Variants in CUX1 observed in about 807,000 individuals in gnomAD.
The protein encoded by CUX1 is protein CASP.
Under a neutral mutation model 158.8 loss-of-function variants are expected in CUX1, and 31 were observed. The observed-to-expected ratio is 0.20, with a 90% CI of 0.15 to 0.26. The LOEUF is 0.26. Ranked by LOEUF, CUX1 falls within the 10% of genes least tolerant of loss-of-function variation. The pLI, the probability that CUX1 is intolerant of heterozygous loss-of-function variation, is 1.00. For missense variants in CUX1, 1,589 were observed against 2,014.6 expected (o/e 0.79, Z 4.04); for synonymous variants, 879 against 862.1 (o/e 1.02, Z -0.34).
At chr7:102,281,699 C>T in intron 20 of CUX1, 1 of 653,762 alleles carries the variant, frequency 1.5e-6, no homozygotes, top group Non-Finnish European at 2.8e-6. Flanking sequence ...TGTCCCTGGC[C>T]CATAATGATG....
chr7:101,958,305 C>A (rs751801702), intron 2 of CUX1, among the ~76,000 whole-genome samples: 1 of 152,012 alleles, frequency 6.6e-6, no homozygotes, highest in South Asian at 2.1e-4. Flanking sequence ...TCAGGAGAGA[C>A]GTAGTGGGGC....
At chr7:102,113,290 G>A (rs1164515432) in intron 7 of CUX1, among the ~76,000 whole-genome samples, 4 of 152,010 alleles carry the variant, frequency 2.6e-5, no homozygotes, top group African/African-American at 9.7e-5. Context: ...CCAGGCTGGA[G>A]TGAAGTGGCA....
At chr7:101,901,710 G>T (rs529097260) in intron 1 of CUX1, among the ~76,000 whole-genome samples, 1 of 152,346 alleles carries the variant, frequency 6.6e-6, no homozygotes, top group South Asian at 2.1e-4. Flanking sequence ...ACACTAGGTG[G>T]TTTGTTTTGT....
At chr7:102,067,497 A>G (rs1348865582) in intron 3 of CUX1, among the ~76,000 whole-genome samples, 1 of 151,130 alleles carries the variant, frequency 6.6e-6, no homozygotes, top group East Asian at 1.9e-4. Flanking sequence ...CGGCCTCCCA[A>G]AGTGCTGGGA....
chr7:102,021,337 C>CT lies in CUX1; in HGVS notation c.142-6759dup, dbSNP rs1396632816. On this transcript the variant is annotated intron_variant, in intron 2 of 23. Transcript: ENST00000292535. ...TTTTTCCCCCATTTGGAGACAGGGT[C>CT]TTGCTCTGTCACCCAGGCTGGATTA... is the stretch of plus-strand genomic sequence containing the variant. Among the ~76,000 whole-genome samples, 7 of 152,200 alleles carry CT rather than the reference C, an allele frequency of 4.6e-5. No individual in the cohort carries two copies. The East Asian group carries it at 1.4e-3, about 29-fold the overall frequency.
At chr7:101,821,468 A>G (rs1169824276) in intron 1 of CUX1, among the ~76,000 whole-genome samples, 5 of 150,950 alleles carry the variant, frequency 3.3e-5, no homozygotes, top group Admixed American at 6.6e-5. Context: ...CCTCCCGAGT[A>G]GCTGGGACTA....
At chr7:102,135,459 G>C (rs1166581862) in intron 8 of CUX1, among the ~76,000 whole-genome samples, 1 of 151,928 alleles carries the variant, frequency 6.6e-6, no homozygotes, top group Admixed American at 6.6e-5. Flanking sequence ...CGTGGAGGAG[G>C]TGGGAGGGGG....
At position 102,197,301 on chromosome 7, in the gene CUX1, A is replaced by G. The variant is rs1554518662; in HGVS notation, c.1890A>G (p.Gln630=). 5 of 1,610,820 alleles carry G rather than the reference A, an allele frequency of 3.1e-6. No homozygotes were observed. The highest frequency in any genetic ancestry group is 3.3e-4 in the Middle Eastern group (2 of 6,054). The part of the protein sequence containing the change: ...ILALRSIQGR[Q]RENPGQSLNR... The stretch of plus-strand genomic sequence containing the variant: ...CCCTCCGTAGCATCCAAGGCAGACA[A>G]AGAGGTGAGAGACTGGCGTTGGGTG... The change falls in exon 15 of 24, where the codon CAA becomes CAG. Residue 630 remains glutamine (Q), a synonymous_variant. Coordinates refer to ENST00000292535, the MANE Select transcript of CUX1 (RefSeq NM_181552.4).
chr7:102,031,386 T>C (rs917397810), intron 3 of CUX1, among the ~76,000 whole-genome samples: 1 of 152,022 alleles, frequency 6.6e-6, no homozygotes, highest in African/African-American at 2.4e-5. Flanking sequence ...TGTTTGTTTG[T>C]TTGCTTTTTT....
chr7:101,996,780 G>A (rs925933562), intron 2 of CUX1, among the ~76,000 whole-genome samples: 3 of 150,898 alleles, frequency 2.0e-5, no homozygotes, highest in Admixed American at 6.6e-5. Context: ...GTCAAATACA[G>A]CCCCAGGCTA....
At chr7:101,948,047 G>A (rs779562329) in intron 2 of CUX1, among the ~76,000 whole-genome samples, 29 of 152,134 alleles carry the variant, frequency 1.9e-4, no homozygotes, top group Admixed American at 1.3e-4. Flanking sequence ...CGAGTTCCCT[G>A]CCCCCGCTCT....
intron 23 of CUX1, among the ~76,000 whole-genome samples, chr7:102,245,812 AAT>A (rs1262283701): frequency 6.6e-6 from 1 of 152,004 alleles, no homozygotes; most frequent in Non-Finnish European, 1.5e-5. Flanking sequence ...TCTCTATTAA[AAT>A]ACAAAAAATT....
In CUX1 at chr7:102,148,672, C is replaced by G. The variant is rs558130990; in HGVS notation, c.675-9888C>G. Among the ~76,000 whole-genome samples the G allele has an allele frequency of 2.0e-5, 3 of 147,848 alleles. No homozygotes were observed. In the South Asian group the frequency reaches 6.3e-4, roughly 31 times the overall value. The stretch of plus-strand genomic sequence containing the variant: ...TATATATAATGTATTTTATATATAA[C>G]TACACATTAATGTATGTGTTATATA... On this transcript the variant is annotated intron_variant, in intron 8 of 23. Coordinates refer to ENST00000292535, the MANE Select transcript of CUX1 (RefSeq NM_181552.4).
At chr7:101,913,519 G>A in intron 1 of CUX1, 1 of 736,496 alleles carries the variant, frequency 1.4e-6, no homozygotes, top group East Asian at 9.5e-5. Flanking sequence ...GCCCAGGGAG[G>A]GGCAGGTGGG....
chr7:102,235,273 A>G (rs1315329041), intron 22 of CUX1, among the ~76,000 whole-genome samples: 2 of 152,170 alleles, frequency 1.3e-5, no homozygotes, highest in East Asian at 1.9e-4. Flanking sequence ...CAGGTCACCT[A>G]TGGTGCTGGG....
At chr7:102,124,187 A>G (rs1832363968) in intron 8 of CUX1, among the ~76,000 whole-genome samples, 1 of 152,218 alleles carries the variant, frequency 6.6e-6, no homozygotes, top group African/African-American at 2.4e-5. Context: ...AGATTGTAGC[A>G]CATATGGTGA....
At chr7:101,975,262 AAAAG>A (rs541031519) in intron 2 of CUX1, among the ~76,000 whole-genome samples, 1 of 148,310 alleles carries the variant, frequency 6.7e-6, no homozygotes, top group African/African-American at 2.6e-5. Flanking sequence ...AAAGGAAAAA[AAAAG>A]AGAGAGAGAG....
At chr7:101,991,864 C>T (rs1365534622) in intron 2 of CUX1, among the ~76,000 whole-genome samples, 4 of 151,950 alleles carry the variant, frequency 2.6e-5, no homozygotes, top group Admixed American at 1.3e-4. Context: ...GAGTTCAAGA[C>T]CAGTCTGGGC....
At chr7:102,277,937 CT>C in intron 17 of CUX1, 13 of 1,426,398 alleles carry the variant, frequency 9.1e-6, no homozygotes, top group South Asian at 2.6e-5. Flanking sequence ...TTCCTTGCCC[CT>C]CCCCCCCCAG....
Sources: gnomAD v4.1 joint callset for allele counts (sites outside exome capture counted in the v4.1 genomes callset) on GRCh38, gnomAD v4.1.1 for gene constraint, MANE v1.5 for transcripts, NCBI Gene and HGNC (gene_info 2026-07-23, HGNC 2026-07-21) for gene names.